The following ARHGAP26 variants were observed in gnomAD, a reference collection of about 807,000 sequenced individuals.
ARHGAP26 encodes Rho GTPase activating protein 26.
In ARHGAP26, 38 loss-of-function variants were observed where a neutral mutation model predicts 104.8. That is an observed-to-expected ratio of 0.36 (90% CI 0.28 to 0.48). The LOEUF (loss-of-function observed/expected upper bound fraction) is 0.48, where lower values mean the gene tolerates loss of function less well. ARHGAP26 is among the 20% of genes least tolerant of loss of function. The pLI, the probability that ARHGAP26 is intolerant of heterozygous loss-of-function variation, is 0.99. For synonymous variants in ARHGAP26, 341 were observed against 340.0 expected (o/e 1.00, Z -0.03); for missense variants, 704 against 947.9 (o/e 0.74, Z 3.38).
chr5:143,065,200 G>A (rs1274104065), intron 17 of ARHGAP26, among the ~76,000 whole-genome samples: 2 of 152,144 alleles, frequency 1.3e-5, no homozygotes, highest in African/African-American at 4.8e-5. Flanking sequence ...TCCTAGCAGA[G>A]CTTAGATTTC....
intron 1 of ARHGAP26, among the ~76,000 whole-genome samples, chr5:142,775,148 T>C (rs1756043461): frequency 6.6e-6 from 1 of 152,020 alleles, no homozygotes; most frequent in Admixed American, 6.6e-5. Flanking sequence ...TAAAATAAAA[T>C]AGTACGTGTA....
chr5:143,222,288 A>C (rs1224396142), intron 22 of ARHGAP26, 70 bp from the exon 23 acceptor site: 2 of 1,048,696 alleles, frequency 1.9e-6, no homozygotes, highest in Non-Finnish European at 2.8e-6. Context: ...CACACACCCC[A>C]CACACACATC....
intron 11 of ARHGAP26, among the ~76,000 whole-genome samples, chr5:142,936,462 T>C (rs1255383968): frequency 6.6e-6 from 1 of 152,222 alleles, no homozygotes; most frequent in African/African-American, 2.4e-5. Flanking sequence ...AAAGTGATTA[T>C]AGGTTTAATG....
chr5:142,890,010 C>T (rs538799036), intron 5 of ARHGAP26, among the ~76,000 whole-genome samples: 1 of 150,402 alleles, frequency 6.6e-6, no homozygotes, highest in Non-Finnish European at 1.5e-5. Context: ...TGGTGCATGC[C>T]TGTAATCCCA....
intron 13 of ARHGAP26, among the ~76,000 whole-genome samples, chr5:143,037,577 C>T (rs1336740769): frequency 6.6e-6 from 1 of 152,142 alleles, no homozygotes; most frequent in Non-Finnish European, 1.5e-5. Flanking sequence ...TCTTTGTTAA[C>T]ACTTTATAAG....
At chr5:143,185,798 G>A (rs980221598) in intron 20 of ARHGAP26, among the ~76,000 whole-genome samples, 1 of 152,158 alleles carries the variant, frequency 6.6e-6, no homozygotes, top group African/African-American at 2.4e-5. Flanking sequence ...GGGGAGTGAG[G>A]CAGAGTTGTC....
chr5:142,842,372 C>T (rs1370417308), intron 1 of ARHGAP26, among the ~76,000 whole-genome samples: 9 of 152,038 alleles, frequency 5.9e-5, no homozygotes, highest in Non-Finnish European at 1.3e-4. Flanking sequence ...GGTTTGTGGC[C>T]GCTTCTTCCA....
chr5:143,127,619 C>T (rs1037068690), intron 18 of ARHGAP26, among the ~76,000 whole-genome samples: 1 of 152,210 alleles, frequency 6.6e-6, no homozygotes, highest in African/African-American at 2.4e-5. Flanking sequence ...TAAGCAACCT[C>T]GCATTCCCAA....
chr5:143,201,758 T>C (rs536623975), intron 20 of ARHGAP26, among the ~76,000 whole-genome samples: 1 of 152,350 alleles, frequency 6.6e-6, no homozygotes, highest in African/African-American at 2.4e-5. Context: ...TCTCTATTTC[T>C]TGTCTGTTTA....
chr5:142,922,885 A>G (rs990859500), intron 10 of ARHGAP26, among the ~76,000 whole-genome samples: 1 of 151,986 alleles, frequency 6.6e-6, no homozygotes, highest in African/African-American at 2.4e-5. Context: ...GTTGGATTAG[A>G]GTGCTGGTCT....
At chr5:143,154,272 G>C (rs1800207114) in intron 20 of ARHGAP26, among the ~76,000 whole-genome samples, 1 of 152,006 alleles carries the variant, frequency 6.6e-6, no homozygotes, top group African/African-American at 2.4e-5. Flanking sequence ...GTCCCAGGGA[G>C]AAAACTAATG....
chr5:142,911,826 T>G (rs1761874148), intron 9 of ARHGAP26, among the ~76,000 whole-genome samples: 1 of 152,240 alleles, frequency 6.6e-6, no homozygotes, highest in Non-Finnish European at 1.5e-5. Flanking sequence ...TTTGGGTGTT[T>G]GCACTCAGAT....
intron 17 of ARHGAP26, among the ~76,000 whole-genome samples, chr5:143,092,250 G>A (rs1791562064): frequency 7.1e-6 from 1 of 141,470 alleles, no homozygotes; most frequent in African/African-American, 2.6e-5. Flanking sequence ...TGCAAGCTCC[G>A]CCTCCCAGGT....
intron 1 of ARHGAP26, among the ~76,000 whole-genome samples, chr5:142,852,468 C>A (rs970012385): frequency 2.6e-5 from 4 of 152,202 alleles, no homozygotes; most frequent in Non-Finnish European, 5.9e-5. Flanking sequence ...CTAACTCTTA[C>A]AAAATTCAGG....
chr5:142,998,244 T>C (rs769513013), intron 11 of ARHGAP26, among the ~76,000 whole-genome samples: 2 of 152,150 alleles, frequency 1.3e-5, no homozygotes, highest in African/African-American at 4.8e-5. Flanking sequence ...TATGTTAAGA[T>C]TAGTACAGGG....
rs897721115 is a variant in ARHGAP26 at position 143,167,863 on chromosome 5, T to C, written c.1988+20482T>C. Among the ~76,000 whole-genome samples the C allele has an allele frequency of 3.9e-5, 6 of 152,174 alleles. 1 individual carries two copies. The highest frequency in any genetic ancestry group is 1.4e-4 in the African/African-American group (6 of 41,420). ...AGCATTTTTTGAGCTTTTTTTTAAC[T>C]CTCTCTGCCATTCAACAGATTTTTC... On this transcript the variant is annotated intron_variant, in intron 20 of 22. Transcript: ENST00000645722.
At chr5:142,878,741 T>C (rs543154228) in intron 3 of ARHGAP26, among the ~76,000 whole-genome samples, 2 of 152,344 alleles carry the variant, frequency 1.3e-5, no homozygotes, top group South Asian at 2.1e-4. Context: ...AGCCAAATGC[T>C]ACGGCCCTGA....
intron 12 of ARHGAP26, among the ~76,000 whole-genome samples, chr5:143,035,284 C>T (rs777105069): frequency 6.6e-6 from 1 of 152,120 alleles, no homozygotes; most frequent in African/African-American, 2.4e-5. Flanking sequence ...AACGTGGAAC[C>T]AGCCCAAATG....
At chr5:143,006,564 G>A (rs1435896431) in intron 11 of ARHGAP26, among the ~76,000 whole-genome samples, 1 of 152,148 alleles carries the variant, frequency 6.6e-6, no homozygotes, top group Non-Finnish European at 1.5e-5. Flanking sequence ...AGTGGTAGCA[G>A]TGGAAAGGGA....
Sources: gnomAD v4.1 joint callset for allele counts (sites outside exome capture counted in the v4.1 genomes callset) on GRCh38, gnomAD v4.1.1 for gene constraint, MANE v1.5 for transcripts, NCBI Gene and HGNC (gene_info 2026-07-23, HGNC 2026-07-21) for gene names.